The following PPARGC1A variants were observed in gnomAD, a reference collection of about 807,000 sequenced individuals.
The protein encoded by PPARGC1A is PPARG coactivator 1 alpha.
PPARGC1A carries 25 observed loss-of-function variants against 88.7 expected under a neutral mutation model. The observed-to-expected ratio is 0.28, with a 90% CI of 0.21 to 0.39. PPARGC1A has a LOEUF of 0.39. Among genes scored for constraint, PPARGC1A ranks in the 10% least tolerant of loss-of-function variants. The probability of loss-of-function intolerance (pLI) is 1.00; values close to 1 mark genes in which losing one functional copy is unlikely to be tolerated. For missense variants in PPARGC1A, 880 were observed against 968.7 expected, an observed-to-expected ratio of 0.91 and a Z score of 1.22; for synonymous variants, 363 against 355.6, an observed-to-expected ratio of 1.02 and a Z score of -0.24.
At chr4:24,130,370 C>A in the PPARGC1A span, among the ~76,000 whole-genome samples, 2 of 152,104 alleles carry the variant, frequency 1.3e-5, no homozygotes, top group Non-Finnish European at 2.9e-5. Flanking sequence ...CAAACCTGGG[C>A]AATCTGAGAC....
intron 2 of PPARGC1A, among the ~76,000 whole-genome samples, chr4:23,865,952 TAC>T (rs140873233): frequency 8.7e-5 from 13 of 149,196 alleles, no homozygotes; most frequent in East Asian, 2.0e-4. Flanking sequence ...CATTTATTCC[TAC>T]ACACACACAC....
chr4:24,059,029 C>T, the PPARGC1A span, among the ~76,000 whole-genome samples: 1 of 152,148 alleles, frequency 6.6e-6, no homozygotes, highest in Non-Finnish European at 1.5e-5. Context: ...AGGAGTAGAA[C>T]TGAGGGTAGG....
the PPARGC1A span, among the ~76,000 whole-genome samples, chr4:24,218,366 C>T: frequency 2.6e-5 from 4 of 152,152 alleles, no homozygotes; most frequent in Middle Eastern, 3.2e-3. Flanking sequence ...AAAGAGATTC[C>T]ACAATGAGTT....
chr4:24,025,903 A>C, the PPARGC1A span, among the ~76,000 whole-genome samples: 1 of 152,094 alleles, frequency 6.6e-6, no homozygotes, highest in South Asian at 2.1e-4. Flanking sequence ...TCATTCCCTA[A>C]GTTGCTATTT....
the PPARGC1A span, among the ~76,000 whole-genome samples, chr4:24,173,720 CA>C: frequency 6.6e-6 from 1 of 152,208 alleles, no homozygotes; most frequent in Admixed American, 6.5e-5. Context: ...TACAGCAGCT[CA>C]GTAATCTTGA....
rs138055487 is a variant in PPARGC1A at position 23,795,291 on chromosome 4, TTATATATATATATATA to T, written c.*515_*530del. ...TTGTTAGTTTTCTTTCCTTTTTAAT[TTATATATATATATATA>T]TATATATATATATATATATATATTT... On this transcript the variant is annotated 3_prime_UTR_variant, in exon 13 of 13. Transcript: ENST00000264867. The T allele has an allele frequency of 1.5e-4, 4 of 26,634 alleles. No homozygotes were observed. The highest frequency in any genetic ancestry group is 4.7e-4 in the Admixed American group (1 of 2,122). 1.6% of individuals were successfully genotyped at this position (26,634 alleles called of 1,614,324 possible).
the PPARGC1A span, among the ~76,000 whole-genome samples, chr4:24,088,773 T>C: frequency 1.1e-4 from 16 of 152,294 alleles, no homozygotes; most frequent in South Asian, 3.3e-3. Flanking sequence ...CCTGCCCACA[T>C]CACAGCTGCT....
At chr4:24,007,757 A>G in the PPARGC1A span, among the ~76,000 whole-genome samples, 1 of 152,122 alleles carries the variant, frequency 6.6e-6, no homozygotes, top group Admixed American at 6.5e-5. Context: ...TCTGGAGGCA[A>G]AGGGGAGGTT....
chr4:23,968,251 A>C, the PPARGC1A span, among the ~76,000 whole-genome samples: 1 of 152,214 alleles, frequency 6.6e-6, no homozygotes, highest in Non-Finnish European at 1.5e-5. Flanking sequence ...TTAGAGGAGA[A>C]CATATTCAGT....
At chr4:24,206,876 G>T in the PPARGC1A span, among the ~76,000 whole-genome samples, 4 of 80,128 alleles carry the variant, frequency 5.0e-5, no homozygotes, top group Admixed American at 5.9e-4. Context: ...AAAAAAAAAA[G>T]CTAACATTGG....
At chr4:23,838,240 A>G (rs1020578404) in intron 2 of PPARGC1A, among the ~76,000 whole-genome samples, 1 of 152,048 alleles carries the variant, frequency 6.6e-6, no homozygotes, top group Non-Finnish European at 1.5e-5. Flanking sequence ...AATCTCTGCA[A>G]TCCACTGTGG....
chr4:24,046,043 T>C, the PPARGC1A span, among the ~76,000 whole-genome samples: 1 of 152,160 alleles, frequency 6.6e-6, no homozygotes, highest in African/African-American at 2.4e-5. Flanking sequence ...ATATTGTGAG[T>C]ACATGAACAT....
At chr4:24,126,267 C>CCACACACACACA in the PPARGC1A span, among the ~76,000 whole-genome samples, 2,146 of 146,492 alleles carry the variant, frequency 0.015, 28 homozygotes, top group South Asian at 0.053. Context: ...TGGCTTCTCA[C>CCACACACACACA]CACACACACA....
the PPARGC1A span, among the ~76,000 whole-genome samples, chr4:24,453,149 G>A: frequency 1.3e-5 from 2 of 152,164 alleles, no homozygotes; most frequent in Non-Finnish European, 2.9e-5. Flanking sequence ...CAACTACAAG[G>A]CAAGGATGGG....
At chr4:24,047,201 C>T in the PPARGC1A span, among the ~76,000 whole-genome samples, 5 of 152,206 alleles carry the variant, frequency 3.3e-5, no homozygotes, top group African/African-American at 1.2e-4. Context: ...GATGCTCTCT[C>T]TACTCGAAAT....
intron 2 of PPARGC1A, among the ~76,000 whole-genome samples, chr4:23,865,615 G>A (rs1711754767): frequency 6.6e-6 from 1 of 152,166 alleles, no homozygotes; most frequent in African/African-American, 2.4e-5. Context: ...CTGCAGTTCA[G>A]TGACAAGTCT....
chr4:23,943,299 T>C, the PPARGC1A span, among the ~76,000 whole-genome samples: 2 of 152,286 alleles, frequency 1.3e-5, no homozygotes, highest in Middle Eastern at 3.4e-3. Flanking sequence ...ACAACAGTCC[T>C]TTGGTTTAAT....
chr4:24,250,325 A>T, the PPARGC1A span, among the ~76,000 whole-genome samples: 1 of 152,190 alleles, frequency 6.6e-6, no homozygotes, highest in Non-Finnish European at 1.5e-5. Flanking sequence ...TGTTAGCTTC[A>T]AATAAGTTGA....
chr4:24,367,178 T>C, the PPARGC1A span, among the ~76,000 whole-genome samples: 8 of 152,230 alleles, frequency 5.3e-5, no homozygotes, highest in East Asian at 1.5e-3. Flanking sequence ...ACCACTACTG[T>C]GGAAGGAAAA....
Sources: allele counts gnomAD v4.1 joint callset (sites outside exome capture counted in the v4.1 genomes callset), GRCh38; gene constraint gnomAD v4.1.1; transcripts MANE v1.5; gene names NCBI Gene and HGNC (gene_info 2026-07-23, HGNC 2026-07-21).